Variants in EML1 observed in about 807,000 individuals in gnomAD.
EML1 encodes EMAP like 1.
In EML1, 27 loss-of-function variants were observed where a neutral mutation model predicts 110.4. The ratio of observed to expected loss-of-function variants is 0.24; its 90% CI spans 0.18 to 0.34. EML1 has a LOEUF of 0.34. Ranked by LOEUF, EML1 falls within the 10% of genes least tolerant of loss-of-function variation. The pLI is 1.00. For synonymous variants in EML1, 344 were observed against 385.8 expected, an observed-to-expected ratio of 0.89 and a Z score of 1.27; for missense variants, 741 against 1,030.9, an observed-to-expected ratio of 0.72 and a Z score of 3.85.
chr14:99,897,072 G>T (rs989177866), intron 6 of EML1, 73 bp from the exon 7 acceptor site: 3 of 1,352,868 alleles, frequency 2.2e-6, no homozygotes, highest in Non-Finnish European at 3.0e-6. Flanking sequence ...TTTATTGCCT[G>T]TGCCTGTTGA....
At chr14:99,924,415 T>A (rs1011698244) in intron 17 of EML1, among the ~76,000 whole-genome samples, 2 of 152,242 alleles carry the variant, frequency 1.3e-5, no homozygotes, top group Non-Finnish European at 2.9e-5. Context: ...AAGTGTACTA[T>A]GTTTCTTCCT....
intron 6 of EML1, among the ~76,000 whole-genome samples, chr14:99,896,867 TA>T (rs1340169476): frequency 6.6e-6 from 1 of 152,066 alleles, no homozygotes; most frequent in Non-Finnish European, 1.5e-5. Flanking sequence ...TAGATTACAG[TA>T]AAAAAATTAA....
At chr14:99,894,559 G>A (rs1384795605) in intron 5 of EML1, 70 bp from the exon 6 acceptor site, 13 of 1,539,036 alleles carry the variant, frequency 8.4e-6, no homozygotes, top group South Asian at 1.3e-5. Context: ...AGGCTAGAGA[G>A]GATAAAGCAT....
At chr14:99,742,636 G>T (rs189191526) in intron 1 of EML1, among the ~76,000 whole-genome samples, 1 of 152,098 alleles carries the variant, frequency 6.6e-6, no homozygotes, top group Admixed American at 6.5e-5. Flanking sequence ...AGGACATACT[G>T]TCACTTTCAG....
intron 3 of EML1, among the ~76,000 whole-genome samples, chr14:99,870,832 T>C (rs371403340): frequency 4.7e-4 from 72 of 152,348 alleles, no homozygotes; most frequent in African/African-American, 1.6e-3. Flanking sequence ...TCATTTACAG[T>C]GTACCTAGTC....
chr14:99,910,375 T>C (rs745930746), intron 12 of EML1, 34 bp downstream of exon 12: 4 of 1,535,576 alleles, frequency 2.6e-6, no homozygotes, highest in Non-Finnish European at 3.6e-6. Context: ...CCAATGGTTT[T>C]TGGTAATGTT....
chr14:99,849,154 T>C (rs1380854500), intron 1 of EML1, among the ~76,000 whole-genome samples: 1 of 152,186 alleles, frequency 6.6e-6, no homozygotes, highest in Admixed American at 6.5e-5. Context: ...GCAGTGCAGG[T>C]CTTTTGATGA....
intron 1 of EML1, among the ~76,000 whole-genome samples, chr14:99,742,586 GGCTGA>G (rs1441146016): frequency 1.3e-5 from 2 of 152,140 alleles, no homozygotes; most frequent in African/African-American, 4.8e-5. Flanking sequence ...GTGCAGTGGA[GGCTGA>G]GCCTGATACT....
chr14:99,913,707 G>A (rs1346697960), intron 13 of EML1, among the ~76,000 whole-genome samples: 2 of 151,532 alleles, frequency 1.3e-5, no homozygotes, highest in African/African-American at 2.4e-5. Context: ...CTGTTTTTTT[G>A]AGATGGAGTT....
chr14:99,741,427 C>T (rs1247057982), intron 1 of EML1, among the ~76,000 whole-genome samples: 1 of 152,132 alleles, frequency 6.6e-6, no homozygotes, highest in Non-Finnish European at 1.5e-5. Flanking sequence ...CTCACCAAGA[C>T]ATTCAGCTGG....
At chr14:99,839,953 C>T (rs183020241) in intron 1 of EML1, among the ~76,000 whole-genome samples, 2 of 152,228 alleles carry the variant, frequency 1.3e-5, no homozygotes, top group African/African-American at 2.4e-5. Context: ...CGCAGGGCTG[C>T]GAATCTGACA....
chr14:99,852,616 A>C (rs566442200), intron 2 of EML1, among the ~76,000 whole-genome samples: 1 of 152,340 alleles, frequency 6.6e-6, no homozygotes, highest in African/African-American at 2.4e-5. Flanking sequence ...AAACAAAAAC[A>C]AACAAAAGGA....
chr14:99,875,243 G>A (rs576294029), intron 3 of EML1, among the ~76,000 whole-genome samples: 1 of 152,312 alleles, frequency 6.6e-6, no homozygotes, highest in East Asian at 1.9e-4. Flanking sequence ...CAGGGTTGAA[G>A]TCACCAGCCC....
At chr14:99,748,327 C>T (rs1420452161) in intron 1 of EML1, among the ~76,000 whole-genome samples, 4 of 152,140 alleles carry the variant, frequency 2.6e-5, no homozygotes, top group Non-Finnish European at 5.9e-5. Flanking sequence ...GTGGTACTCA[C>T]GTTTCTCCCC....
At chr14:99,920,663 CTTATTAAGCAAATTCTGAGTAT>C in intron 16 of EML1, 104 bp from the exon 17 acceptor site, 1 of 738,518 alleles carries the variant, frequency 1.4e-6, no homozygotes, top group Non-Finnish European at 2.1e-6. Flanking sequence ...AACAAGCTTT[CTTATTAAGCAAATTCTGAGTAT>C]TTATTAAGCT....
intron 1 of EML1, 119 bp from the exon 2 acceptor site, chr14:99,850,734 G>A (rs2058782070): frequency 2.0e-6 from 2 of 1,021,914 alleles, no homozygotes; most frequent in African/African-American, 1.6e-5. Flanking sequence ...AGTATCTGTA[G>A]TCCGTAAGTG....
chr14:99,889,129 T>C (rs1260042307), intron 4 of EML1, among the ~76,000 whole-genome samples: 2 of 151,920 alleles, frequency 1.3e-5, no homozygotes, highest in East Asian at 3.9e-4. Context: ...GAAGGAAGGA[T>C]GAGGAAAGCT....
intron 1 of EML1, among the ~76,000 whole-genome samples, chr14:99,754,919 C>T (rs1387256875): frequency 6.6e-6 from 1 of 152,206 alleles, no homozygotes; most frequent in East Asian, 1.9e-4. Flanking sequence ...CCTCTCGTGT[C>T]CATGCAGCAT....
chr14:99,814,795 C>T (rs1431683906), intron 1 of EML1, among the ~76,000 whole-genome samples: 1 of 152,174 alleles, frequency 6.6e-6, no homozygotes, highest in Admixed American at 6.5e-5. Context: ...TCCTCTTGTG[C>T]AGGACAGCTG....
Sources: gnomAD v4.1 joint callset for allele counts (sites outside exome capture counted in the v4.1 genomes callset) on GRCh38, gnomAD v4.1.1 for gene constraint, MANE v1.5 for transcripts, NCBI Gene and HGNC (gene_info 2026-07-23, HGNC 2026-07-21) for gene names.